The following CSMD1 variants were observed in gnomAD, a reference collection of about 807,000 sequenced individuals.
CSMD1 encodes CUB and sushi domain-containing protein 1.
A neutral mutation model predicts 417.5 loss-of-function variants in CSMD1; 213 were observed. That is an observed-to-expected ratio of 0.51 (90% confidence interval 0.46 to 0.57). CSMD1 has a LOEUF of 0.57. Among genes scored for constraint, CSMD1 ranks in the 20% least tolerant of loss-of-function variants. The probability of loss-of-function intolerance (pLI) is 0.00; values close to 1 mark genes in which losing one functional copy is unlikely to be tolerated. For synonymous variants in CSMD1, 2,862 were observed against 1,736.8 expected (o/e 1.65, Z -16.11); for missense variants, 6,923 against 4,529.7 (o/e 1.53, Z -15.17).
chr8:3,315,174 A>G lies in CSMD1; in HGVS notation c.3632-6671T>C, dbSNP rs185863076. 3.0e-3 allele frequency among the ~76,000 whole-genome samples: 459 copies of G among 152,334 alleles called. 2 individuals are homozygous for G. The highest frequency in any genetic ancestry group is 5.6e-3 in the Non-Finnish European group (384 of 68,016). On this transcript the variant is annotated intron_variant, in intron 23 of 69. Coordinates refer to ENST00000635120, the MANE Select transcript of CSMD1 (RefSeq NM_033225.6). ...TGACTCTCATGTGAAAAAAAGGGAC[A>G]GTGTTTTCACACCATTTCCTTCAGT...
At chr8:4,522,495 T>G (rs1803517195) in intron 2 of CSMD1, among the ~76,000 whole-genome samples, 1 of 152,162 alleles carries the variant, frequency 6.6e-6, no homozygotes, top group South Asian at 2.1e-4. Flanking sequence ...ACAAAATGGA[T>G]TAATTAAGAA....
chr8:3,291,290 T>C (rs1803539037), intron 25 of CSMD1, among the ~76,000 whole-genome samples: 1 of 152,184 alleles, frequency 6.6e-6, no homozygotes, highest in Non-Finnish European at 1.5e-5. Context: ...AATTCTCTTT[T>C]TTTGTTGTGT....
At chr8:4,837,190 G>A (rs1800545462) in intron 1 of CSMD1, among the ~76,000 whole-genome samples, 1 of 152,080 alleles carries the variant, frequency 6.6e-6, no homozygotes, top group Non-Finnish European at 1.5e-5. Context: ...GGGGAGAAAA[G>A]GAAACCATTA....
intron 5 of CSMD1, among the ~76,000 whole-genome samples, chr8:3,913,791 G>A (rs1011808674): frequency 1.3e-5 from 2 of 152,132 alleles, no homozygotes; most frequent in African/African-American, 4.8e-5. Flanking sequence ...GTATCTTAAT[G>A]CTGGGCACCA....
At chr8:4,019,791 G>A (rs955134928) in intron 4 of CSMD1, among the ~76,000 whole-genome samples, 1 of 151,872 alleles carries the variant, frequency 6.6e-6, no homozygotes, top group Non-Finnish European at 1.5e-5. Context: ...AAAATAAAGT[G>A]ACCCACTGCC....
At chr8:4,341,449 T>C (rs1800473370) in intron 3 of CSMD1, among the ~76,000 whole-genome samples, 2 of 152,106 alleles carry the variant, frequency 1.3e-5, no homozygotes, top group South Asian at 4.1e-4. Context: ...TACCTCATTG[T>C]GGTTAAGAAG....
chr8:3,997,184 T>C (rs1305218621), intron 5 of CSMD1, among the ~76,000 whole-genome samples: 5 of 152,232 alleles, frequency 3.3e-5, no homozygotes, highest in African/African-American at 1.2e-4. Context: ...AATGACTTAA[T>C]TCAAGATAGA....
intron 12 of CSMD1, among the ~76,000 whole-genome samples, chr8:3,438,807 C>T (rs188126904): frequency 6.6e-6 from 1 of 152,006 alleles, no homozygotes; most frequent in Admixed American, 6.5e-5. Flanking sequence ...ATGATAATTG[C>T]ATGTTTAGCT....
At chr8:3,911,521 C>T (rs1412287112) in intron 5 of CSMD1, among the ~76,000 whole-genome samples, 1 of 140,554 alleles carries the variant, frequency 7.1e-6, no homozygotes, top group East Asian at 2.1e-4. Flanking sequence ...GAGCAAGACT[C>T]CGTCTCAAAA....
intron 51 of CSMD1, among the ~76,000 whole-genome samples, chr8:3,019,084 AT>A (rs1435302812): frequency 6.6e-5 from 10 of 152,156 alleles, no homozygotes; most frequent in African/African-American, 2.2e-4. Context: ...TGTCCCGCTA[AT>A]TTTTGTATTT....
intron 1 of CSMD1, among the ~76,000 whole-genome samples, chr8:4,846,172 A>C (rs1173854869): frequency 6.6e-6 from 1 of 152,202 alleles, no homozygotes; most frequent in East Asian, 1.9e-4. Context: ...GAAAACTAGC[A>C]CATGCACCAA....
Position 4,770,781 on chromosome 8 carries a change from C to G in CSMD1, c.86-133223G>C, listed in dbSNP as rs1306381328. On this transcript the variant is annotated intron_variant, in intron 1 of 69. Transcript: ENST00000635120. The stretch of plus-strand genomic sequence containing the variant: ...CTCATGCAAAAGAATGAAATTGGAC[C>G]CTTTATACCATACATAAAAATCAAC... Among the ~76,000 whole-genome samples the G allele has an allele frequency of 2.6e-5, 4 of 151,978 alleles. No homozygotes were observed. In the East Asian group the frequency reaches 5.8e-4, roughly 22 times the overall value.
chr8:4,043,744 T>C (rs756438156), intron 3 of CSMD1, among the ~76,000 whole-genome samples: 1 of 152,200 alleles, frequency 6.6e-6, no homozygotes, highest in Non-Finnish European at 1.5e-5. Context: ...ATAGATACTA[T>C]TGATATCTTG....
chr8:3,918,569 T>C (rs1808995510), intron 5 of CSMD1, among the ~76,000 whole-genome samples: 1 of 152,210 alleles, frequency 6.6e-6, no homozygotes, highest in Non-Finnish European at 1.5e-5. Flanking sequence ...GCATTTCTTA[T>C]ATATTTTGGA....
chr8:4,097,611 G>C (rs1051485629), intron 3 of CSMD1, among the ~76,000 whole-genome samples: 7 of 152,138 alleles, frequency 4.6e-5, no homozygotes, highest in African/African-American at 1.4e-4. Context: ...GCTTATGTTG[G>C]AGATAAGCTA....
chr8:3,279,432 G>T (rs1207464392), intron 26 of CSMD1, among the ~76,000 whole-genome samples: 1 of 152,172 alleles, frequency 6.6e-6, no homozygotes, highest in Non-Finnish European at 1.5e-5. Flanking sequence ...TTATTTTACA[G>T]CCCTGATTGT....
chr8:4,479,262 TAAATC>T (rs1160537281), intron 2 of CSMD1, among the ~76,000 whole-genome samples: 1 of 152,220 alleles, frequency 6.6e-6, no homozygotes, highest in Non-Finnish European at 1.5e-5. Flanking sequence ...ATCTCAGGAA[TAAATC>T]AAAGTTGCAT....
intron 27 of CSMD1, among the ~76,000 whole-genome samples, chr8:3,227,837 G>C (rs1798606451): frequency 6.7e-6 from 1 of 150,238 alleles, no homozygotes; most frequent in African/African-American, 2.5e-5. Context: ...GTGCGATCTT[G>C]GCTCACTGCA....
At chr8:3,445,534 A>T (rs976673471) in intron 12 of CSMD1, among the ~76,000 whole-genome samples, 10 of 151,678 alleles carry the variant, frequency 6.6e-5, no homozygotes, top group Non-Finnish European at 1.5e-4. Flanking sequence ...TTCATTACAC[A>T]TTTTTTTTTA....
Sources: gnomAD v4.1 joint callset for allele counts (sites outside exome capture counted in the v4.1 genomes callset) on GRCh38, gnomAD v4.1.1 for gene constraint, MANE v1.5 for transcripts, NCBI Gene and HGNC (gene_info 2026-07-23, HGNC 2026-07-21) for gene names.